The following ADD3 variants were observed in gnomAD, a reference collection of about 807,000 sequenced individuals.
The protein encoded by ADD3 is gamma-adducin.
Under a neutral mutation model 80.2 loss-of-function variants are expected in ADD3, and 25 were observed. That is an observed-to-expected ratio of 0.31 (90% CI 0.23 to 0.44). The LOEUF is 0.44. ADD3 is among the 20% of genes least tolerant of loss of function. The probability of loss-of-function intolerance (pLI) is 1.00; values close to 1 mark genes in which losing one functional copy is unlikely to be tolerated. For missense variants in ADD3, 829 were observed against 847.5 expected (o/e 0.98, Z 0.27); for synonymous variants, 284 against 289.6 (o/e 0.98, Z 0.20).
chr10:110,020,692 A>G (rs771943073), intron 1 of ADD3, among the ~76,000 whole-genome samples: 2 of 151,714 alleles, frequency 1.3e-5, no homozygotes, highest in East Asian at 3.9e-4. Flanking sequence ...ATGCAGGGAA[A>G]CTACTTAGGA....
At chr10:110,101,481 A>T (rs985990603) in intron 2 of ADD3, among the ~76,000 whole-genome samples, 1 of 152,010 alleles carries the variant, frequency 6.6e-6, no homozygotes, top group African/African-American at 2.4e-5. Flanking sequence ...AAAAAAATTT[A>T]AAAATTAACT....
intron 1 of ADD3, among the ~76,000 whole-genome samples, chr10:110,069,888 A>G (rs573851421): frequency 1.3e-5 from 2 of 152,358 alleles, no homozygotes; most frequent in African/African-American, 4.8e-5. Flanking sequence ...GCAAAAGCAC[A>G]TGACACAAAA....
chr10:110,079,741 A>T (rs1051831599), intron 1 of ADD3, among the ~76,000 whole-genome samples: 1 of 152,018 alleles, frequency 6.6e-6, no homozygotes, highest in Non-Finnish European at 1.5e-5. Context: ...GGGTTTCACC[A>T]TGTTGGCCGG....
intron 1 of ADD3, among the ~76,000 whole-genome samples, chr10:110,090,244 G>T (rs1428379812): frequency 7.7e-6 from 1 of 129,688 alleles, no homozygotes; most frequent in Non-Finnish European, 1.5e-5. Context: ...TTGGCAGACA[G>T]AGTCTTGCTC....
At position 110,118,729 on chromosome 10, in the gene ADD3, C is replaced by A. The variant is rs1851092431; in HGVS notation, c.710C>A (p.Thr237Lys). The stretch of plus-strand genomic sequence containing the variant: ...GTGATACACATCCATACCCTTGCAA[C>A]AGCAGCTGTAAGTCAATGAAAGTCC... ...KCVIHIHTLA[T>K]AAVSSMKCGI... Residue 237 changes from threonine to lysine, a missense_variant, in exon 6 of 15, where the codon ACA (threonine) becomes AAA (lysine). Thr to Lys is a moderately conservative substitution (Grantham distance 78). Transcript: ENST00000356080. The A allele has an allele frequency of 1.2e-6, 2 of 1,613,626 alleles. No individual in the cohort carries two copies. The highest frequency in any genetic ancestry group is 1.7e-6 in the Non-Finnish European group (2 of 1,179,762).
upstream of ADD3, among the ~76,000 whole-genome samples, chr10:110,004,647 A>G (rs193177386): frequency 6.6e-6 from 1 of 151,946 alleles, no homozygotes; most frequent in Non-Finnish European, 1.5e-5. Flanking sequence ...CTCACTTTAC[A>G]AAATAGGGAA....
At chr10:110,015,229 A>C (rs1032964423) in intron 1 of ADD3, among the ~76,000 whole-genome samples, 19 of 152,126 alleles carry the variant, frequency 1.2e-4, no homozygotes, top group African/African-American at 4.3e-4. Context: ...TTCAAAATAG[A>C]AGTGTGACAA....
At chr10:110,056,156 T>C (rs185780784) in intron 1 of ADD3, among the ~76,000 whole-genome samples, 39 of 152,328 alleles carry the variant, frequency 2.6e-4, no homozygotes, top group African/African-American at 7.5e-4. Context: ...CTACCCTTCC[T>C]TGGCTCTTGG....
Position 110,014,464 on chromosome 10 carries a change from G to C in ADD3, c.-30+6165G>C, listed in dbSNP as rs1430681673. 2.6e-5 allele frequency among the ~76,000 whole-genome samples: 4 copies of C among 152,278 alleles called. No homozygotes were observed. In the East Asian group the frequency reaches 7.7e-4, roughly 29 times the overall value. On this transcript the variant is annotated intron_variant, in intron 1 of 14. Coordinates refer to ENST00000356080, the MANE Select transcript of ADD3 (RefSeq NM_016824.5). ...ATTGTTCGTATTCCTTATTTCCACA[G>C]CCAACTTTTTAAAGGTGAAAACAGT...
chr10:110,049,528 C>T (rs141876104), intron 1 of ADD3, among the ~76,000 whole-genome samples: 18 of 152,328 alleles, frequency 1.2e-4, no homozygotes, highest in Non-Finnish European at 2.2e-4. Context: ...AGGAACCCAC[C>T]CCTTGCATCA....
rs117455189 is a variant in ADD3 at position 110,031,664 on chromosome 10, G to T, written c.-30+23365G>T. Among the ~76,000 whole-genome samples, 993 of 151,988 alleles carry T rather than the reference G, an allele frequency of 6.5e-3. 6 individuals are homozygous for T. The highest frequency in any genetic ancestry group is 9.8e-3 in the Non-Finnish European group (667 of 67,982). On this transcript the variant is annotated intron_variant, in intron 1 of 14. Transcript: ENST00000356080. The stretch of plus-strand genomic sequence containing the variant: ...CCTTAAGTTGTTTTCCTTTGTCTTG[G>T]TGGATGACTTTAATGCGCCACCCTC...
chr10:110,072,012 A>G (rs865976626), intron 1 of ADD3, among the ~76,000 whole-genome samples: 70 of 152,338 alleles, frequency 4.6e-4, no homozygotes, highest in Middle Eastern at 6.8e-3. Flanking sequence ...ATAACCATCT[A>G]TCACATATTA....
rs546894859 is a variant in ADD3, at chr10:110,069,076, TA to T, written c.-29-31537del. Among the ~76,000 whole-genome samples the T allele has an allele frequency of 2.4e-3, 344 of 146,374 alleles. 1 individual carries two copies. The highest frequency in any genetic ancestry group is 0.017 in the Middle Eastern group (5 of 288). On this transcript the variant is annotated intron_variant, in intron 1 of 14. Coordinates refer to ENST00000356080, the MANE Select transcript of ADD3 (RefSeq NM_016824.5). ...TGGGCAATAGAGTGGGACCCTGTCT[TA>T]AAAAAAAAAAATTGCCTGTATCTCA...
intron 1 of ADD3, among the ~76,000 whole-genome samples, chr10:110,017,055 AT>A (rs567053159): frequency 2.4e-4 from 37 of 152,386 alleles, no homozygotes; most frequent in Admixed American, 2.4e-3. Context: ...GCCAAGGATC[AT>A]TTTAAGCACT....
In ADD3 at chr10:110,134,009, A is replaced by G. The variant is rs1297738962; in HGVS notation, c.*391A>G. 1.3e-5 allele frequency: 2 copies of G among 154,494 alleles called. No homozygotes were observed. The highest frequency in any genetic ancestry group is 1.9e-4 in the East Asian group (1 of 5,284). The allele number at this position is 154,494 out of a possible 1,614,324, so 9.6% of individuals were successfully genotyped here. ...CTTGATAATCATATTATAATTTTTTATCATGATTATTGACTATATTTTTGG... is the reference window on the plus strand; with the variant it reads ...CTTGATAATCATATTATAATTTTTTGTCATGATTATTGACTATATTTTTGG... On this transcript the variant is annotated 3_prime_UTR_variant, in exon 15 of 15. Transcript: ENST00000356080.
chr10:110,118,508 C>A, intron 5 of ADD3, 79 bp from the exon 6 acceptor site: 1 of 1,287,702 alleles, frequency 7.8e-7, no homozygotes, highest in Non-Finnish European at 1.1e-6. Context: ...AAAAGGTTTG[C>A]TACCCCCTGG....
chr10:110,038,787 A>G (rs191335007), intron 1 of ADD3, among the ~76,000 whole-genome samples: 1 of 152,346 alleles, frequency 6.6e-6, no homozygotes, highest in African/African-American at 2.4e-5. Context: ...ACTAGAAAAA[A>G]CTGGACATGT....
chr10:110,095,465 A>G (rs1848037316), intron 1 of ADD3, among the ~76,000 whole-genome samples: 1 of 152,212 alleles, frequency 6.6e-6, no homozygotes, highest in African/African-American at 2.4e-5. Flanking sequence ...GAGTCATACA[A>G]TATGTGGTCC....
chr10:110,102,881 A>G (rs1237565175), intron 2 of ADD3, among the ~76,000 whole-genome samples: 2 of 152,134 alleles, frequency 1.3e-5, no homozygotes, highest in African/African-American at 4.8e-5. Context: ...TGTATTTAGT[A>G]TTTCTATTTG....
Sources: allele counts gnomAD v4.1 joint callset (sites outside exome capture counted in the v4.1 genomes callset), GRCh38; gene constraint gnomAD v4.1.1; transcripts MANE v1.5; gene names NCBI Gene and HGNC (gene_info 2026-07-23, HGNC 2026-07-21).